Variants in PARD6G observed in about 807,000 individuals in gnomAD.
PARD6G encodes the protein partitioning defective 6 homolog gamma.
A neutral mutation model predicts 10.7 loss-of-function variants in PARD6G; 7 were observed. The ratio of observed to expected loss-of-function variants is 0.66; its 90% CI spans 0.37 to 1.23. PARD6G has a LOEUF of 1.23. PARD6G is among the 50% of genes most tolerant of loss of function. The pLI, the probability that PARD6G is intolerant of heterozygous loss-of-function variation, is 0.02. For missense variants in PARD6G, 548 were observed against 571.8 expected (o/e 0.96, Z 0.42); for synonymous variants, 287 against 269.4 (o/e 1.07, Z -0.64).
At chr18:80,218,297 G>C (rs182182735) in intron 1 of PARD6G, among the ~76,000 whole-genome samples, 161 of 152,042 alleles carry the variant, frequency 1.1e-3, no homozygotes, top group Non-Finnish European at 1.8e-4. Flanking sequence ...AAGTAAGTTA[G>C]TTACATCCTA....
intron 1 of PARD6G, among the ~76,000 whole-genome samples, chr18:80,213,943 T>A (rs1967133160): frequency 1.8e-5 from 1 of 55,040 alleles, no homozygotes; most frequent in African/African-American, 1.0e-4. Flanking sequence ...TGAGACTCCA[T>A]CTCAAAAAAA....
intron 1 of PARD6G, among the ~76,000 whole-genome samples, chr18:80,224,812 T>G (rs370097777): frequency 1.3e-5 from 2 of 151,206 alleles, no homozygotes; most frequent in African/African-American, 4.9e-5. Flanking sequence ...GCGCCACTGC[T>G]CTCCAGCCTG....
intron 1 of PARD6G, among the ~76,000 whole-genome samples, chr18:80,234,636 G>C (rs1020636605): frequency 1.3e-5 from 2 of 152,094 alleles, no homozygotes; most frequent in Non-Finnish European, 2.9e-5. Context: ...AGTGGGGCAT[G>C]GTGGTGTGCA....
intron 1 of PARD6G, among the ~76,000 whole-genome samples, chr18:80,232,797 C>T (rs1213733364): frequency 3.9e-5 from 6 of 152,210 alleles, no homozygotes; most frequent in Non-Finnish European, 8.8e-5. Context: ...GAGGCTCAGG[C>T]AGCTGAGGAG....
At position 80,183,675 on chromosome 18, in the gene PARD6G, C is replaced by G. The variant is rs983200395; in HGVS notation, c.295+19035G>C. ...CTTCAGCACTCACCGCTCCCCAGAC[C>G]ACAAAGGTGTATGGACTTAGCAAAA... On this transcript the variant is annotated intron_variant, in intron 2 of 2. Transcript: ENST00000353265. The surrounding 1 kb of genome is among the most constrained non-coding windows in gnomAD (Gnocchi z 4.5). The G allele has an allele frequency of 6.5e-6, 1 of 153,434 alleles. No homozygotes were observed. Among genetic ancestry groups the G allele is most frequent in the African/African-American group, 2.4e-5 (1 of 41,468 alleles). 9.5% of individuals were successfully genotyped at this position (153,434 alleles called of 1,614,324 possible). A position where few individuals can be genotyped will look rare whatever the true frequency, so the allele number is the denominator to read the frequency against.
At chr18:80,225,506 C>T (rs1967280413) in intron 1 of PARD6G, among the ~76,000 whole-genome samples, 2 of 152,198 alleles carry the variant, frequency 1.3e-5, no homozygotes, top group South Asian at 4.1e-4. Flanking sequence ...TCACAGTTAT[C>T]CTGCTCACTC....
rs993574870 is a variant in PARD6G, at chr18:80,231,723, G to C, written c.72+15554C>G. 5.9e-5 allele frequency among the ~76,000 whole-genome samples: 9 copies of C among 152,228 alleles called. No homozygotes were observed. The highest frequency in any genetic ancestry group is 7.2e-5 in the African/African-American group (3 of 41,540). On this transcript the variant is annotated intron_variant, in intron 1 of 2. Transcript: ENST00000353265. The surrounding 1 kb of genome is among the most constrained non-coding windows in gnomAD (Gnocchi z 4.2). Reference sequence around the variant, plus strand: ...GCCCTGGTGAGCGAGTGAGACTCCAGCCAATGGGAGCAATTCACTCGCTCA... The same window carrying C: ...GCCCTGGTGAGCGAGTGAGACTCCACCCAATGGGAGCAATTCACTCGCTCA...
chr18:80,184,543 C>CCGTG lies in PARD6G; in HGVS notation c.295+18166_295+18167insCACG, dbSNP rs1327942090. 2 of 147,056 alleles carry CCGTG rather than the reference C, an allele frequency of 1.4e-5. No homozygotes were observed. The highest frequency in any genetic ancestry group is 3.0e-5 in the Non-Finnish European group (2 of 65,690). The allele number at this position is 147,056 out of a possible 1,614,324, so 9.1% of individuals were successfully genotyped here. A position where few individuals can be genotyped will look rare whatever the true frequency, so the allele number is the denominator to read the frequency against. ...CGTGAAACCCGCAGCGGGAGCAAGGCAGTGAAACCCTCAGAGGGAGCAAGG... is the reference window on the plus strand; with the variant it reads ...CGTGAAACCCGCAGCGGGAGCAAGGCCGTGAGTGAAACCCTCAGAGGGAGCAAGG... On this transcript the variant is annotated intron_variant, in intron 2 of 2. Coordinates refer to ENST00000353265, the MANE Select transcript of PARD6G (RefSeq NM_032510.4). This position sits in a 1 kb window ranked among gnomAD's most constrained non-coding sequence, Gnocchi z 4.5.
intron 2 of PARD6G, among the ~76,000 whole-genome samples, chr18:80,176,790 C>T (rs2052810310): frequency 6.6e-6 from 1 of 152,162 alleles, no homozygotes; most frequent in South Asian, 2.1e-4. Flanking sequence ...GCCGCGGCGG[C>T]CACAGGCAAA....
chr18:80,178,041 T>C (rs1423223194), intron 2 of PARD6G: 1 of 166,882 alleles, frequency 6.0e-6, no homozygotes, highest in Non-Finnish European at 1.5e-5. Context: ...AGACCACATA[T>C]TGTCTTAGAC....
rs1208955359 is a variant in PARD6G at position 80,182,690 on chromosome 18, A to G, written c.295+20020T>C. 6.6e-6 allele frequency among the ~76,000 whole-genome samples: 1 copy of G among 152,254 alleles called. No homozygotes were observed. The highest frequency in any genetic ancestry group is 2.4e-5 in the African/African-American group (1 of 41,472). ...CAACAGACACCCTTTCCAGTCACCT[A>G]GACATCACCTGGGTGTTGAAAACCA... is the stretch of plus-strand genomic sequence containing the variant. On this transcript the variant is annotated intron_variant, in intron 2 of 2. Coordinates refer to ENST00000353265, the MANE Select transcript of PARD6G (RefSeq NM_032510.4). This position sits in a 1 kb window ranked among gnomAD's most constrained non-coding sequence, Gnocchi z 4.5.
Position 80,160,620 on chromosome 18 carries a change from G to A in PARD6G, c.296-14C>T. On this transcript the variant is annotated splice_polypyrimidine_tract_variant and intron_variant, in intron 2 of 2. Coordinates refer to ENST00000353265, the MANE Select transcript of PARD6G (RefSeq NM_032510.4). ...GCTCGGCCTCCTCTGCGGGAGAGGG[G>A]ACAGTTAGAGGGGACACACAACCGA... 1 of 1,437,776 alleles carries A rather than the reference G, an allele frequency of 7.0e-7. No individual in the cohort carries two copies. Among genetic ancestry groups the A allele is most frequent in the African/African-American group, 1.4e-5 (1 of 69,262 alleles). 89.1% of individuals were successfully genotyped at this position (1,437,776 alleles called of 1,614,324 possible).
intron 2 of PARD6G, among the ~76,000 whole-genome samples, chr18:80,179,222 CAT>C (rs2052834504): frequency 8.8e-6 from 1 of 113,662 alleles, no homozygotes; most frequent in Non-Finnish European, 2.2e-5. Flanking sequence ...TGGCTGCAGT[CAT>C]TTTTTTTTTT....
intron 2 of PARD6G, among the ~76,000 whole-genome samples, chr18:80,166,763 C>T (rs887053476): frequency 3.3e-5 from 5 of 151,694 alleles, no homozygotes. Flanking sequence ...GTGCATAGCC[C>T]TCCCTGCAGA....
At position 80,201,154 on chromosome 18, in the gene PARD6G, A is replaced by G. The variant is rs568691169; in HGVS notation, c.295+1556T>C. On this transcript the variant is annotated intron_variant, in intron 2 of 2. Coordinates refer to ENST00000353265, the MANE Select transcript of PARD6G (RefSeq NM_032510.4). The surrounding 1 kb of genome is among the most constrained non-coding windows in gnomAD (Gnocchi z 5.9). Reference sequence around the variant, plus strand: ...TCTGGGAGCAATGGACAGAGCCCAGAGGAAGCCGAGTAAGAGGACAGAGGA... The same window carrying G: ...TCTGGGAGCAATGGACAGAGCCCAGGGGAAGCCGAGTAAGAGGACAGAGGA... Among the ~76,000 whole-genome samples, 1 of 152,260 alleles carries G rather than the reference A, an allele frequency of 6.6e-6. No individual in the cohort carries two copies. The highest frequency in any genetic ancestry group is 6.5e-5 in the Admixed American group (1 of 15,288).
At chr18:80,240,336 G>T (rs1432125382) in intron 1 of PARD6G, among the ~76,000 whole-genome samples, 1 of 152,182 alleles carries the variant, frequency 6.6e-6, no homozygotes, top group Non-Finnish European at 1.5e-5. Flanking sequence ...GCAAGTAGTT[G>T]TCCCTTTCCT....
At chr18:80,196,851 C>T (rs1044306967) in intron 2 of PARD6G, among the ~76,000 whole-genome samples, 6 of 147,920 alleles carry the variant, frequency 4.1e-5, no homozygotes, top group Non-Finnish European at 7.4e-5. Context: ...TCATCTTCTC[C>T]ACATTCCCAC....
chr18:80,207,929 C>G (rs1052048994), intron 1 of PARD6G, among the ~76,000 whole-genome samples: 1 of 152,014 alleles, frequency 6.6e-6, no homozygotes, highest in Non-Finnish European at 1.5e-5. Context: ...GAAAAAGAAA[C>G]CATGTATAAT....
intron 2 of PARD6G, among the ~76,000 whole-genome samples, chr18:80,174,445 G>T (rs1487075757): frequency 6.6e-6 from 1 of 152,046 alleles, no homozygotes; most frequent in Non-Finnish European, 1.5e-5. Context: ...TGGGATTACA[G>T]GCATGAACCA....
Sources: allele counts gnomAD v4.1 joint callset (sites outside exome capture counted in the v4.1 genomes callset), GRCh38; gene constraint gnomAD v4.1.1; non-coding constraint Gnocchi (gnomAD v3.1); transcripts MANE v1.5; gene names NCBI Gene and HGNC (gene_info 2026-07-23, HGNC 2026-07-21).